TSHZ2: variants seen among roughly 807,000 people sequenced by gnomAD.
TSHZ2 encodes teashirt zinc finger homeobox 2.
A neutral mutation model predicts 74.4 loss-of-function variants in TSHZ2; 21 were observed. The observed-to-expected ratio is 0.28, with a 90% CI of 0.20 to 0.41. The LOEUF (loss-of-function observed/expected upper bound fraction) is 0.41. Ranked by LOEUF, TSHZ2 falls within the 10% of genes least tolerant of loss-of-function variation. The probability of loss-of-function intolerance (pLI) is 1.00; values close to 1 mark genes in which losing one functional copy is unlikely to be tolerated. For missense variants in TSHZ2, 1,244 were observed against 1,293.5 expected (o/e 0.96, Z 0.59); for synonymous variants, 540 against 515.3 (o/e 1.05, Z -0.65).
chr20:53,137,976 G>C (rs1987288886), intron 1 of TSHZ2, among the ~76,000 whole-genome samples: 1 of 152,166 alleles, frequency 6.6e-6, no homozygotes. Flanking sequence ...AAATCCCCAA[G>C]TCAGTAGCCA....
At position 52,992,120 on chromosome 20, in the gene TSHZ2, A is replaced by G. The variant is rs371370309; in HGVS notation, c.40+18787A>G. Among the ~76,000 whole-genome samples, 7 of 152,232 alleles carry G rather than the reference A, an allele frequency of 4.6e-5. No individual in the cohort carries two copies. In the East Asian group the frequency reaches 9.7e-4, roughly 21 times the overall value. The stretch of plus-strand genomic sequence containing the variant: ...GATAGTACTGGAAGCTCCACACCCT[A>G]TTGTAATGTCTATTTCCTGGCCTCT... On this transcript the variant is annotated intron_variant, in intron 1 of 2. Coordinates refer to ENST00000371497, the MANE Select transcript of TSHZ2 (RefSeq NM_173485.6).
chr20:53,217,511 G>T (rs1439993571), intron 1 of TSHZ2, among the ~76,000 whole-genome samples: 1 of 152,156 alleles, frequency 6.6e-6, no homozygotes, highest in East Asian at 1.9e-4. Context: ...TTTGCCAGGG[G>T]CTGCAAACCC....
intron 2 of TSHZ2, among the ~76,000 whole-genome samples, chr20:53,381,525 C>T (rs1411132180): frequency 6.6e-6 from 1 of 152,214 alleles, no homozygotes; most frequent in African/African-American, 2.4e-5. Context: ...TCACACAGCA[C>T]AAGCTCCAGT....
intron 1 of TSHZ2, among the ~76,000 whole-genome samples, chr20:53,213,534 C>A (rs895642158): frequency 2.6e-5 from 4 of 151,838 alleles, no homozygotes; most frequent in African/African-American, 9.7e-5. Flanking sequence ...GAACTCTATA[C>A]CATGGGTAAA....
At chr20:53,170,954 T>TAAA (rs11398230) in intron 1 of TSHZ2, among the ~76,000 whole-genome samples, 1 of 144,540 alleles carries the variant, frequency 6.9e-6, no homozygotes, top group African/African-American at 2.5e-5. Context: ...AAAAAGTAAT[T>TAAA]AAAAAAAAAA....
Position 53,301,883 on chromosome 20 carries a change from T to G in TSHZ2, c.*8+45312T>G, listed in dbSNP as rs532590635. Among the ~76,000 whole-genome samples, 59 of 152,304 alleles carry G rather than the reference T, an allele frequency of 3.9e-4. No homozygotes were observed. The South Asian group carries it at 0.012, about 31-fold the overall frequency. On this transcript the variant is annotated intron_variant, in intron 2 of 2. Transcript: ENST00000371497. ...GAAAAGGCACCCCAGCCAACATGAA[T>G]ACATCTCGCATTTAGCACTCGGAGA... is the stretch of plus-strand genomic sequence containing the variant.
intron 1 of TSHZ2, among the ~76,000 whole-genome samples, chr20:53,200,565 C>T (rs1453273174): frequency 2.0e-5 from 3 of 152,168 alleles, no homozygotes; most frequent in Non-Finnish European, 4.4e-5. Context: ...AAGAGTGCTG[C>T]CTTCACCACT....
chr20:53,145,527 A>G (rs1987518782), intron 1 of TSHZ2, among the ~76,000 whole-genome samples: 2 of 152,182 alleles, frequency 1.3e-5, no homozygotes, highest in African/African-American at 4.8e-5. Context: ...ATGTTAATGA[A>G]GGGTGAGTTA....
intron 1 of TSHZ2, among the ~76,000 whole-genome samples, chr20:53,214,463 T>G (rs1342617298): frequency 6.6e-6 from 1 of 152,196 alleles, no homozygotes; most frequent in Non-Finnish European, 1.5e-5. Flanking sequence ...CTCAACACTT[T>G]GGGAGGCTGA....
At chr20:53,130,231 A>T (rs372109727) in intron 1 of TSHZ2, among the ~76,000 whole-genome samples, 2,904 of 21,964 alleles carry the variant, frequency 0.13, 84 homozygotes, top group African/African-American at 0.23. Flanking sequence ...GCTAAAATTT[A>T]AAAAAAAAAA....
intron 1 of TSHZ2, among the ~76,000 whole-genome samples, chr20:53,050,141 G>GTGTATA (rs1283108256): frequency 1.3e-5 from 1 of 76,436 alleles, no homozygotes; most frequent in Non-Finnish European, 2.6e-5. Context: ...ATATATATGT[G>GTGTATA]TATATATATA....
Position 53,380,163 on chromosome 20 carries a change from T to TGTGTGTGTGC in TSHZ2, c.*9-106980_*9-106979insTGTGTGTGCG, listed in dbSNP as rs3971382. Among the ~76,000 whole-genome samples the TGTGTGTGTGC allele has an allele frequency of 1.4e-3, 212 of 151,050 alleles. 1 individual carries two copies. The highest frequency in any genetic ancestry group is 4.9e-3 in the African/African-American group (200 of 40,676). On this transcript the variant is annotated intron_variant, in intron 2 of 2. Transcript: ENST00000371497. ...GAGTGTGTGTGTGTGTGTGTGTGTG[T>TGTGTGTGTGC]GCACACGCATGTGTGTTATAAAAGG...
chr20:53,186,096 T>C (rs1016425626), intron 1 of TSHZ2, among the ~76,000 whole-genome samples: 2 of 152,226 alleles, frequency 1.3e-5, no homozygotes, highest in Non-Finnish European at 2.9e-5. Flanking sequence ...TCACACGCTC[T>C]TATTAACTTG....
intron 2 of TSHZ2, among the ~76,000 whole-genome samples, chr20:53,315,054 A>G (rs1978943887): frequency 6.6e-6 from 1 of 152,230 alleles, no homozygotes; most frequent in South Asian, 2.1e-4. Flanking sequence ...TCACAACTCA[A>G]GGAGATTCAA....
intron 2 of TSHZ2, among the ~76,000 whole-genome samples, chr20:53,393,362 C>G (rs1982331009): frequency 6.6e-6 from 1 of 152,220 alleles, no homozygotes; most frequent in African/African-American, 2.4e-5. Context: ...TGGCATCCAA[C>G]AGATTTAGCT....
intron 2 of TSHZ2, among the ~76,000 whole-genome samples, chr20:53,481,939 T>C (rs114080375): frequency 0.011 from 1,701 of 152,036 alleles, 36 homozygotes; most frequent in African/African-American, 0.039. Flanking sequence ...GCTTCATCTC[T>C]ACTAAAAATA....
intron 1 of TSHZ2, among the ~76,000 whole-genome samples, chr20:53,247,413 A>C (rs1990233135): frequency 6.6e-6 from 1 of 152,174 alleles, no homozygotes; most frequent in African/African-American, 2.4e-5. Flanking sequence ...GGATCCCTCC[A>C]CATGGCCCTC....
chr20:53,131,050 T>C (rs1987089433), intron 1 of TSHZ2, among the ~76,000 whole-genome samples: 2 of 152,246 alleles, frequency 1.3e-5, no homozygotes, highest in African/African-American at 4.8e-5. Flanking sequence ...TTTCATTTTA[T>C]GTATGTGTCT....
chr20:53,322,638 A>G (rs1979319493), intron 2 of TSHZ2, among the ~76,000 whole-genome samples: 1 of 152,208 alleles, frequency 6.6e-6, no homozygotes, highest in Non-Finnish European at 1.5e-5. Context: ...AGCCAGTGAC[A>G]AAGCCCCTGA....
Sources: gnomAD v4.1 joint callset for allele counts (sites outside exome capture counted in the v4.1 genomes callset) on GRCh38, gnomAD v4.1.1 for gene constraint, MANE v1.5 for transcripts, NCBI Gene and HGNC (gene_info 2026-07-23, HGNC 2026-07-21) for gene names.